The following GLIS3 variants were observed in gnomAD, a reference collection of about 807,000 sequenced individuals.
The protein encoded by GLIS3 is zinc finger protein GLIS3.
In GLIS3, 53 loss-of-function variants were observed where a neutral mutation model predicts 78.6. That is an observed-to-expected ratio of 0.67 (90% CI 0.54 to 0.85). The LOEUF is 0.85. Ranked by LOEUF, GLIS3 falls within the 40% of genes least tolerant of loss-of-function variation. GLIS3 has a pLI of 0.00. For missense variants in GLIS3, 1,703 were observed against 1,231.1 expected, an observed-to-expected ratio of 1.38 and a Z score of -5.74; for synonymous variants, 684 against 509.9, an observed-to-expected ratio of 1.34 and a Z score of -4.60.
intron 7 of GLIS3, among the ~76,000 whole-genome samples, chr9:3,883,155 T>C (rs889038035): frequency 3.9e-5 from 6 of 152,234 alleles, no homozygotes; most frequent in African/African-American, 7.2e-5. Flanking sequence ...CCTTGGTCTC[T>C]GCCAATGATC....
chr9:4,285,806 C>T, intron 2 of GLIS3: 1 of 569,780 alleles, frequency 1.8e-6, no homozygotes, highest in Admixed American at 3.0e-5. Flanking sequence ...CTTACTGTTA[C>T]TCTGTTTCAC....
chr9:4,023,932 C>T (rs1823090708), intron 4 of GLIS3, among the ~76,000 whole-genome samples: 1 of 151,830 alleles, frequency 6.6e-6, no homozygotes, highest in South Asian at 2.1e-4. Context: ...AGGGTATAGG[C>T]TGGATCCAGG....
At chr9:3,831,684 G>A (rs1022013788) in intron 9 of GLIS3, among the ~76,000 whole-genome samples, 4 of 152,172 alleles carry the variant, frequency 2.6e-5, no homozygotes, top group East Asian at 1.9e-4. Flanking sequence ...AGATTGCAGC[G>A]CTAGTGATCA....
chr9:3,940,686 G>A (rs1815821614), intron 4 of GLIS3, among the ~76,000 whole-genome samples: 1 of 152,140 alleles, frequency 6.6e-6, no homozygotes, highest in Non-Finnish European at 1.5e-5. Flanking sequence ...GGAAACAGAA[G>A]GTGGCTGAAT....
Position 3,927,851 on chromosome 9 carries a change from C to T in GLIS3, c.1983+4509G>A, listed in dbSNP as rs1052038859. Among the ~76,000 whole-genome samples, 3 of 152,232 alleles carry T rather than the reference C, an allele frequency of 2.0e-5. No homozygotes were observed. The South Asian group carries it at 6.2e-4, about 31-fold the overall frequency. On this transcript the variant is annotated intron_variant, in intron 6 of 10. Transcript: ENST00000381971. Reference sequence around the variant, plus strand: ...AGCAACTGGTTTCAAATCCAAATCACTGCTATTGGCACAGGGTTAAATTTA... The same window carrying T: ...AGCAACTGGTTTCAAATCCAAATCATTGCTATTGGCACAGGGTTAAATTTA...
At chr9:4,190,648 C>T (rs9775548) in intron 2 of GLIS3, among the ~76,000 whole-genome samples, 59,677 of 151,644 alleles carry the variant, frequency 0.39, 11,963 homozygotes, top group African/African-American at 0.44. Context: ...TCTAGCAAGG[C>T]AGGCCAACAT....
rs182542988 is a variant in GLIS3 at position 3,989,722 on chromosome 9, G to T, written c.1711-52533C>A. ...AGATGAGTGGTTGCCAGGAAGGTTA[G>T]GGATGGCATGTATAGGAAGTAGGTG... On this transcript the variant is annotated intron_variant, in intron 4 of 10. Transcript: ENST00000381971. Among the ~76,000 whole-genome samples, 288 of 152,298 alleles carry T rather than the reference G, an allele frequency of 1.9e-3. 2 individuals are homozygous for T. The highest frequency in any genetic ancestry group is 3.7e-3 in the South Asian group (18 of 4,824).
chr9:4,003,171 G>A (rs546286095), intron 4 of GLIS3, among the ~76,000 whole-genome samples: 1 of 152,270 alleles, frequency 6.6e-6, no homozygotes, highest in South Asian at 2.1e-4. Flanking sequence ...CTTGGGCCCA[G>A]GAGTCTGAGA....
intron 2 of GLIS3, among the ~76,000 whole-genome samples, chr9:4,166,272 G>A (rs1231864384): frequency 6.6e-6 from 1 of 152,136 alleles, no homozygotes; most frequent in Non-Finnish European, 1.5e-5. Context: ...AGGGTTGATG[G>A]TGACTAGGAG....
At chr9:4,062,638 T>C (rs1474279795) in intron 4 of GLIS3, among the ~76,000 whole-genome samples, 10 of 152,156 alleles carry the variant, frequency 6.6e-5, no homozygotes, top group African/African-American at 2.4e-4. Context: ...TATGTAAGAA[T>C]GTGAAGTGGC....
the GLIS3 span, among the ~76,000 whole-genome samples, chr9:4,363,348 C>G: frequency 6.6e-6 from 1 of 152,126 alleles, no homozygotes. Context: ...GCTTGAATCC[C>G]TGAGGCAGAG....
intron 2 of GLIS3, among the ~76,000 whole-genome samples, chr9:4,143,270 A>C (rs1025218801): frequency 2.0e-5 from 3 of 151,964 alleles, no homozygotes; most frequent in Admixed American, 2.0e-4. Context: ...GTGAGAAGTT[A>C]AGATCTACTC....
At chr9:4,240,509 T>G (rs1823200121) in intron 2 of GLIS3, among the ~76,000 whole-genome samples, 1 of 152,086 alleles carries the variant, frequency 6.6e-6, no homozygotes, top group African/African-American at 2.4e-5. Context: ...TCCTGAGATT[T>G]TCTCTCCAAA....
chr9:4,318,414 C>G (rs1352260936), intron 2 of GLIS3, among the ~76,000 whole-genome samples: 4 of 152,096 alleles, frequency 2.6e-5, no homozygotes, highest in Non-Finnish European at 5.9e-5. Flanking sequence ...ATGGCTGATT[C>G]CAGGACTAGG....
chr9:4,303,596 C>T (rs544173921), upstream of GLIS3, among the ~76,000 whole-genome samples: 3 of 152,262 alleles, frequency 2.0e-5, no homozygotes, highest in South Asian at 2.1e-4. Context: ...CAACATCATA[C>T]CTCTTTTCCT....
chr9:4,376,925 G>A, the GLIS3 span, among the ~76,000 whole-genome samples: 15 of 134,560 alleles, frequency 1.1e-4, 4 homozygotes, highest in Non-Finnish European at 2.3e-4. Context: ...ACTGCTGGAG[G>A]CTGATTAGTG....
At chr9:4,159,033 G>GA (rs1315271767) in intron 2 of GLIS3, among the ~76,000 whole-genome samples, 1 of 87,658 alleles carries the variant, frequency 1.1e-5, no homozygotes, top group Non-Finnish European at 2.3e-5. Context: ...AGGAGAAGAA[G>GA]AAAAAAAAAA....
chr9:4,478,059 G>A, the GLIS3 span, among the ~76,000 whole-genome samples: 91 of 152,208 alleles, frequency 6.0e-4, no homozygotes, highest in African/African-American at 2.1e-3. Context: ...GAACCTGAAC[G>A]CTTTAGAGAA....
chr9:4,191,654 C>T (rs930255692), intron 2 of GLIS3, among the ~76,000 whole-genome samples: 10 of 152,126 alleles, frequency 6.6e-5, no homozygotes, highest in Non-Finnish European at 1.5e-5. Flanking sequence ...AGAGCCTGGC[C>T]TTCTGCCTTA....
Sources: allele counts gnomAD v4.1 joint callset (sites outside exome capture counted in the v4.1 genomes callset), GRCh38; gene constraint gnomAD v4.1.1; transcripts MANE v1.5; gene names NCBI Gene and HGNC (gene_info 2026-07-23, HGNC 2026-07-21).